DKKL1: variants seen among roughly 807,000 people sequenced by gnomAD.
DKKL1 encodes dickkopf like acrosomal protein 1.
DKKL1 carries 11 observed loss-of-function variants against 16.5 expected under a neutral mutation model. The ratio of observed to expected loss-of-function variants is 0.67; its 90% CI spans 0.42 to 1.10. DKKL1 has a LOEUF of 1.10. DKKL1 is among the 50% of genes least tolerant of loss of function. The pLI is 0.00. For synonymous variants in DKKL1, 119 were observed against 133.2 expected (o/e 0.89, Z 0.73); for missense variants, 320 against 308.1 (o/e 1.04, Z -0.29).
chr19:49,360,639 CCT>C (rs1197652983), upstream of DKKL1, among the ~76,000 whole-genome samples: 1 of 151,824 alleles, frequency 6.6e-6, no homozygotes, highest in Non-Finnish European at 1.5e-5. Context: ...TGAAACTTCC[CCT>C]GTCCCACCCC....
chr19:49,364,116 C>G, intron 1 of DKKL1, 108 bp downstream of exon 1: 1 of 1,443,154 alleles, frequency 6.9e-7, no homozygotes, highest in Non-Finnish European at 9.5e-7. Flanking sequence ...TTGGGAGGCC[C>G]AGGTGGGCGG....
At chr19:49,373,466 GTTGT>G (rs1241408017) in intron 4 of DKKL1, among the ~76,000 whole-genome samples, 2 of 152,036 alleles carry the variant, frequency 1.3e-5, no homozygotes, top group East Asian at 3.9e-4. Flanking sequence ...AAACAATATG[GTTGT>G]TTGTTCGTTT....
chr19:49,367,313 G>A (rs1973291653), intron 4 of DKKL1, among the ~76,000 whole-genome samples: 1 of 152,174 alleles, frequency 6.6e-6, no homozygotes, highest in African/African-American at 2.4e-5. Context: ...TGGGATTATA[G>A]GCATGAGCTA....
In DKKL1 at chr19:49,372,831, G is replaced by A. The variant is rs112570720; in HGVS notation, c.418-1886G>A. On this transcript the variant is annotated intron_variant, in intron 4 of 4. Transcript: ENST00000221498. The stretch of plus-strand genomic sequence containing the variant: ...ACCCTGACCAACATGGAGAAACCCC[G>A]TCTCTACTAAAAATACAAAATTAGC... Among the ~76,000 whole-genome samples, 1,071 of 151,580 alleles carry A rather than the reference G, an allele frequency of 7.1e-3. 20 individuals are homozygous for A. Among genetic ancestry groups the A allele is most frequent in the Middle Eastern group, 0.041 (12 of 292 alleles).
rs918062380 is a variant in DKKL1, at chr19:49,363,885, G to A, written c.-114G>A. ...AACCAACGCTCTAGACCAGACCTGG[G>A]CTCGAGACCATAACTGTTTGGCTTT... is the stretch of plus-strand genomic sequence containing the variant. On this transcript the variant is annotated 5_prime_UTR_variant, in exon 1 of 5. Transcript: ENST00000221498. 5.2e-5 allele frequency: 75 copies of A among 1,449,718 alleles called. No homozygotes were observed. The highest frequency in any genetic ancestry group is 6.8e-5 in the Non-Finnish European group (72 of 1,057,950). The allele number at this position is 1,449,718 out of a possible 1,614,324, so 89.8% of individuals were successfully genotyped here.
At position 49,375,042 on chromosome 19, in the gene DKKL1, G is replaced by A; in HGVS notation, c.*14G>A. 1 of 1,585,850 alleles carries A rather than the reference G, an allele frequency of 6.3e-7. No homozygotes were observed. The highest frequency in any genetic ancestry group is 8.6e-7 in the Non-Finnish European group (1 of 1,166,174). ...CGGCAGCTGTAGGGGTGGGGACCGG[G>A]GAGCACCTGCCTGTAGCCCCCATCA... On this transcript the variant is annotated 3_prime_UTR_variant, in exon 5 of 5. Transcript: ENST00000221498.
chr19:49,370,725 C>T (rs1273889281), intron 4 of DKKL1: 1 of 152,158 alleles, frequency 6.6e-6, no homozygotes, highest in Non-Finnish European at 1.5e-5. Flanking sequence ...TTGCCAACAA[C>T]ATCAAGGAAA....
At chr19:49,360,674 G>A (rs958204160), upstream of DKKL1, among the ~76,000 whole-genome samples, 3 of 150,968 alleles carry the variant, frequency 2.0e-5, no homozygotes, top group Admixed American at 6.6e-5. Flanking sequence ...TAAGATGTGA[G>A]CAGCAGCTGC....
In DKKL1 at chr19:49,363,991, G is replaced by C. The variant is rs761799199; in HGVS notation, c.-8G>C. ...CATAAAGGCGGAGCCCAGAAGAAGG[G>C]GCGGGGTATGGGAGAAGGTGAGGAT... On this transcript the variant is annotated 5_prime_UTR_variant, in exon 1 of 5. Transcript: ENST00000221498. The C allele has an allele frequency of 6.2e-7, 1 of 1,613,468 alleles. No homozygotes were observed. Among genetic ancestry groups the C allele is most frequent in the South Asian group, 1.1e-5 (1 of 90,984 alleles).
intron 4 of DKKL1, among the ~76,000 whole-genome samples, chr19:49,366,441 T>C (rs1453160920): frequency 6.6e-6 from 1 of 152,106 alleles, no homozygotes; most frequent in Non-Finnish European, 1.5e-5. Context: ...TTTTCTTTTT[T>C]TTTTTTAACT....
At chr19:49,370,139 A>C (rs1973419585) in intron 4 of DKKL1, 1 of 152,282 alleles carries the variant, frequency 6.6e-6, no homozygotes, top group Admixed American at 6.5e-5. Flanking sequence ...AAGCCAGTGA[A>C]AGCTCAGATG....
chr19:49,368,826 A>G (rs998617843), intron 4 of DKKL1: 1 of 152,204 alleles, frequency 6.6e-6, no homozygotes, highest in African/African-American at 2.4e-5. Flanking sequence ...GTGTCCTTGT[A>G]CGTTAACCAA....
At chr19:49,367,869 T>C (rs1452932905) in intron 4 of DKKL1, among the ~76,000 whole-genome samples, 1 of 152,236 alleles carries the variant, frequency 6.6e-6, no homozygotes, top group Non-Finnish European at 1.5e-5. Flanking sequence ...AAATGTTTAT[T>C]TAAAATTTTA....
upstream of DKKL1, among the ~76,000 whole-genome samples, chr19:49,360,699 G>A (rs1478704301): frequency 1.3e-5 from 2 of 148,296 alleles, no homozygotes; most frequent in East Asian, 2.0e-4. Flanking sequence ...AAAGAAGAGG[G>A]GCCAAGCAAG....
In DKKL1 at chr19:49,365,504, C is replaced by A; in HGVS notation, c.184-5C>A. On this transcript the variant is annotated splice_polypyrimidine_tract_variant and splice_region_variant and intron_variant, in intron 2 of 4. Coordinates refer to ENST00000221498, the MANE Select transcript of DKKL1 (RefSeq NM_014419.4). The stretch of plus-strand genomic sequence containing the variant: ...GCAGCTCACCAGTCCCTCCTCCGGC[C>A]CCAGGGTAACCTGCTTCGGGGCATA... 1 of 1,594,324 alleles carries A rather than the reference C, an allele frequency of 6.3e-7. No individual in the cohort carries two copies. Among genetic ancestry groups the A allele is most frequent in the Non-Finnish European group, 8.6e-7 (1 of 1,168,270 alleles).
chr19:49,374,110 G>A (rs538601144), intron 4 of DKKL1, among the ~76,000 whole-genome samples: 10 of 151,870 alleles, frequency 6.6e-5, no homozygotes, highest in East Asian at 1.9e-4. Flanking sequence ...TCAGCCTCCC[G>A]AGTAGCTGGG....
chr19:49,364,448 A>C (rs1250734437), intron 1 of DKKL1, 134 bp from the exon 2 acceptor site: 4 of 688,702 alleles, frequency 5.8e-6, no homozygotes, highest in Admixed American at 3.1e-5. Flanking sequence ...TAGAAGAAAG[A>C]AGCAGTGGGG....
chr19:49,367,328 G>A lies in DKKL1; in HGVS notation c.417+1443G>A, dbSNP rs116281913. Among the ~76,000 whole-genome samples the A allele has an allele frequency of 3.3e-4, 50 of 151,520 alleles. 1 individual carries two copies. Among genetic ancestry groups the A allele is most frequent in the African/African-American group, 1.1e-3 (45 of 41,262 alleles). ...TGGGATTATAGGCATGAGCTACTGC[G>A]CCTGGCCCAAAATGTGATTTTTAAT... On this transcript the variant is annotated intron_variant, in intron 4 of 4. Transcript: ENST00000221498.
chr19:49,366,892 G>A (rs1202042801), intron 4 of DKKL1, among the ~76,000 whole-genome samples: 1 of 151,844 alleles, frequency 6.6e-6, no homozygotes, highest in Non-Finnish European at 1.5e-5. Flanking sequence ...ATTTTTAGTA[G>A]AGACGGGGTT....
Sources: gnomAD v4.1 joint callset for allele counts (sites outside exome capture counted in the v4.1 genomes callset) on GRCh38, gnomAD v4.1.1 for gene constraint, MANE v1.5 for transcripts, NCBI Gene and HGNC (gene_info 2026-07-23, HGNC 2026-07-21) for gene names.